The following LRRC4C variants were observed in gnomAD, a reference collection of about 807,000 sequenced individuals.
LRRC4C encodes leucine rich repeat containing 4C.
A neutral mutation model predicts 33.6 loss-of-function variants in LRRC4C; 5 were observed. That is an observed-to-expected ratio of 0.15 (90% confidence interval 0.08 to 0.31). The LOEUF is 0.31. Ranked by LOEUF, LRRC4C falls within the 10% of genes least tolerant of loss-of-function variation. LRRC4C has a pLI of 1.00. For synonymous variants in LRRC4C, 329 were observed against 302.0 expected (o/e 1.09, Z -0.93); for missense variants, 560 against 796.7 (o/e 0.70, Z 3.58).
At chr11:40,447,620 A>G (rs1807453845) in intron 3 of LRRC4C, among the ~76,000 whole-genome samples, 1 of 152,216 alleles carries the variant, frequency 6.6e-6, no homozygotes, top group African/African-American at 2.4e-5. Flanking sequence ...GGTAAGACTC[A>G]AGAAAATTAT....
chr11:40,874,528 A>G (rs1806115279), intron 2 of LRRC4C, among the ~76,000 whole-genome samples: 1 of 152,128 alleles, frequency 6.6e-6, no homozygotes, highest in Non-Finnish European at 1.5e-5. Context: ...CATGCCTCCC[A>G]CTTTGGAAAA....
At chr11:41,416,842 C>T (rs1034388779) in intron 1 of LRRC4C, among the ~76,000 whole-genome samples, 18 of 151,968 alleles carry the variant, frequency 1.2e-4, no homozygotes, top group Non-Finnish European at 2.9e-5. Flanking sequence ...CTCGAAAATT[C>T]TCTACATACC....
chr11:40,312,810 A>G lies in LRRC4C; in HGVS notation c.-176+6818T>C, dbSNP rs79814646. ...TCTGGATGAAAATGTAGTCAGCTTA[A>G]CCCGAAAGACATTTATTTGAGCATT... On this transcript the variant is annotated intron_variant, in intron 4 of 6. Transcript: ENST00000528697. Among the ~76,000 whole-genome samples, 813 of 152,286 alleles carry G rather than the reference A, an allele frequency of 5.3e-3. 13 individuals are homozygous for G. The highest frequency in any genetic ancestry group is 0.019 in the African/African-American group (781 of 41,528).
intron 2 of LRRC4C, among the ~76,000 whole-genome samples, chr11:40,901,999 TACACACACACAC>T (rs369525560): frequency 0.071 from 9,930 of 139,792 alleles, 589 homozygotes; most frequent in African/African-American, 0.16. Context: ...TCTCTCTCTC[TACACACACACAC>T]ACACACACAC....
chr11:41,209,074 A>AG (rs1288034996), intron 1 of LRRC4C, among the ~76,000 whole-genome samples: 1 of 151,550 alleles, frequency 6.6e-6, no homozygotes, highest in African/African-American at 2.4e-5. Flanking sequence ...AGGTTCAGAA[A>AG]GAAAAAAAAA....
In LRRC4C at chr11:40,978,302, T is replaced by C. The variant is rs369134092; in HGVS notation, c.-495-44579A>G. On this transcript the variant is annotated intron_variant, in intron 1 of 6. Transcript: ENST00000528697. ...TCCACTGTCCAGAAAAACAAACCTTTAAATTCTTAGTAAGGTACTGGCAAA... is the reference window on the plus strand; with the variant it reads ...TCCACTGTCCAGAAAAACAAACCTTCAAATTCTTAGTAAGGTACTGGCAAA... 9.2e-5 allele frequency among the ~76,000 whole-genome samples: 14 copies of C among 152,314 alleles called. No homozygotes were observed. In the South Asian group the frequency reaches 1.7e-3, roughly 18 times the overall value.
chr11:41,341,712 T>C (rs961697065), intron 1 of LRRC4C, among the ~76,000 whole-genome samples: 2 of 152,184 alleles, frequency 1.3e-5, no homozygotes, highest in African/African-American at 2.4e-5. Context: ...CCAATTATAA[T>C]AGCATTTCAG....
intron 2 of LRRC4C, among the ~76,000 whole-genome samples, chr11:40,842,667 A>G (rs1389298481): frequency 2.6e-5 from 4 of 152,168 alleles, no homozygotes; most frequent in Non-Finnish European, 5.9e-5. Context: ...GAAATTTTGT[A>G]TCATTTAACC....
intron 1 of LRRC4C, among the ~76,000 whole-genome samples, chr11:41,089,447 G>T (rs1055654245): frequency 1.3e-5 from 2 of 152,068 alleles, no homozygotes; most frequent in African/African-American, 4.8e-5. Flanking sequence ...AGATGACTTT[G>T]GCTTTGGTCC....
chr11:41,414,864 C>G (rs1274164588), intron 1 of LRRC4C, among the ~76,000 whole-genome samples: 1 of 152,074 alleles, frequency 6.6e-6, no homozygotes, highest in Non-Finnish European at 1.5e-5. Context: ...AAATCTTCCC[C>G]AGCAATTTGA....
intron 1 of LRRC4C, among the ~76,000 whole-genome samples, chr11:41,168,537 C>G (rs1944831072): frequency 6.6e-6 from 1 of 152,044 alleles, no homozygotes. Context: ...ATAACTAAAA[C>G]TTGGGAAACC....
At chr11:40,728,969 G>A (rs1264474578) in intron 2 of LRRC4C, among the ~76,000 whole-genome samples, 4 of 95,986 alleles carry the variant, frequency 4.2e-5, no homozygotes, top group Admixed American at 3.4e-4. Context: ...AGATCCTGGG[G>A]ACCACAGATA....
chr11:40,790,536 C>T (rs1409862860), intron 2 of LRRC4C, among the ~76,000 whole-genome samples: 5 of 152,154 alleles, frequency 3.3e-5, no homozygotes, highest in East Asian at 1.9e-4. Context: ...GGTGAGCACG[C>T]GGTCCAAATC....
At chr11:41,193,840 C>T (rs889977966) in intron 1 of LRRC4C, among the ~76,000 whole-genome samples, 1 of 151,806 alleles carries the variant, frequency 6.6e-6, no homozygotes, top group African/African-American at 2.4e-5. Context: ...TTCTATGATA[C>T]TGAAACTAAA....
chr11:40,688,646 T>C (rs1201499501), intron 2 of LRRC4C, among the ~76,000 whole-genome samples: 3 of 152,056 alleles, frequency 2.0e-5, no homozygotes, highest in Non-Finnish European at 4.4e-5. Flanking sequence ...CAAATGCTCC[T>C]ACGTCAGTGG....
chr11:41,061,760 A>G (rs1312912730), intron 1 of LRRC4C, among the ~76,000 whole-genome samples: 1 of 152,210 alleles, frequency 6.6e-6, no homozygotes, highest in African/African-American at 2.4e-5. Flanking sequence ...GGTGAGGCAG[A>G]TTCACGTTTG....
intron 3 of LRRC4C, among the ~76,000 whole-genome samples, chr11:40,523,839 T>C (rs930390746): frequency 6.6e-6 from 1 of 152,144 alleles, no homozygotes; most frequent in African/African-American, 2.4e-5. Context: ...AAAAACCACA[T>C]ACACATGTGT....
chr11:40,262,500 A>G (rs923759737), intron 4 of LRRC4C, among the ~76,000 whole-genome samples: 2 of 152,210 alleles, frequency 1.3e-5, no homozygotes, highest in East Asian at 1.9e-4. Flanking sequence ...CCAAAGGATT[A>G]TAAATCATTC....
At chr11:41,068,828 T>A (rs1221067590) in intron 1 of LRRC4C, among the ~76,000 whole-genome samples, 1 of 152,034 alleles carries the variant, frequency 6.6e-6, no homozygotes, top group Non-Finnish European at 1.5e-5. Flanking sequence ...AACGGCCGAA[T>A]TCTACCAAAA....
Sources: allele counts gnomAD v4.1 joint callset (sites outside exome capture counted in the v4.1 genomes callset), GRCh38; gene constraint gnomAD v4.1.1; transcripts MANE v1.5; gene names NCBI Gene and HGNC (gene_info 2026-07-23, HGNC 2026-07-21).